Variants in TSPEAR observed in about 807,000 individuals in gnomAD.
The protein encoded by TSPEAR is thrombospondin-type laminin G domain and EAR repeat-containing protein.
A neutral mutation model predicts 71.6 loss-of-function variants in TSPEAR; 69 were observed. The ratio of observed to expected loss-of-function variants is 0.96; its 90% CI spans 0.79 to 1.18. TSPEAR has a LOEUF of 1.18. TSPEAR is among the 50% of genes most tolerant of loss of function. The probability of loss-of-function intolerance (pLI) is 0.00; values close to 1 mark genes in which losing one functional copy is unlikely to be tolerated. For missense variants in TSPEAR, 971 were observed against 894.9 expected (o/e 1.09, Z -1.09); for synonymous variants, 402 against 387.2 (o/e 1.04, Z -0.45).
chr21:44,533,868 C>A lies in TSPEAR; in HGVS notation c.359G>T (p.Gly120Val). ...CAGCTGGGCAGGTGACAACCGCAGGCCGAGCAGCAGCAGGTCGCTCTCCTC... is the reference window on the plus strand; with the variant it reads ...CAGCTGGGCAGGTGACAACCGCAGGACGAGCAGCAGCAGGTCGCTCTCCTC... Reference protein sequence around the residue: ...VAEESDLLLLGLRLSPAQLHF... With the variant: ...VAEESDLLLLVLRLSPAQLHF... Residue 120 changes from glycine (G) to valine (V), a missense_variant, in exon 3 of 12, where the codon GGC becomes GTC. Physicochemically the swap from Gly to Val is moderately radical, Grantham distance 109. Coordinates refer to ENST00000323084, the MANE Select transcript of TSPEAR (RefSeq NM_144991.3). 1.9e-6 allele frequency: 3 copies of A among 1,612,360 alleles called. No homozygotes were observed. The highest frequency in any genetic ancestry group is 2.5e-6 in the Non-Finnish European group (3 of 1,179,866).
At chr21:44,571,962 CA>C (rs781913737) in intron 1 of TSPEAR, among the ~76,000 whole-genome samples, 4 of 152,210 alleles carry the variant, frequency 2.6e-5, no homozygotes, top group Non-Finnish European at 5.9e-5. Context: ...GGAGGGGCAC[CA>C]GCACTGCCGG....
intron 2 of TSPEAR, among the ~76,000 whole-genome samples, chr21:44,536,001 C>T (rs1437877569): frequency 6.6e-6 from 1 of 152,142 alleles, no homozygotes; most frequent in African/African-American, 2.4e-5. Context: ...TGCTTCCACT[C>T]CAAGCTCCTT....
chr21:44,705,145 G>T (rs1555952126), intron 1 of TSPEAR, among the ~76,000 whole-genome samples: 1 of 152,188 alleles, frequency 6.6e-6, no homozygotes, highest in Non-Finnish European at 1.5e-5. Flanking sequence ...AATTTCTTAT[G>T]CCTGTCTTTA....
intron 1 of TSPEAR, chr21:44,573,734 A>G (rs782645567): frequency 3.1e-6 from 5 of 1,599,524 alleles, no homozygotes; most frequent in African/African-American, 1.3e-5. Context: ...CCCCCAGCTC[A>G]ACCCCCAGCA....
At chr21:44,594,866 A>C (rs1421946051) in intron 1 of TSPEAR, among the ~76,000 whole-genome samples, 3 of 129,338 alleles carry the variant, frequency 2.3e-5, no homozygotes, top group Non-Finnish European at 4.6e-5. Context: ...TCTGTTGCCC[A>C]GGCTGGAGTG....
At chr21:44,574,682 C>T (rs1258887044) in intron 1 of TSPEAR, 5 of 1,606,366 alleles carry the variant, frequency 3.1e-6, no homozygotes, top group African/African-American at 1.3e-5. Context: ...CAGCTTGCTG[C>T]ACCTCCTCCC....
intron 1 of TSPEAR, chr21:44,637,342 C>A (rs753815890): frequency 1.9e-4 from 284 of 1,531,074 alleles, no homozygotes; most frequent in Non-Finnish European, 2.1e-4. Context: ...CAGCAGCTGA[C>A]AGGCTCACAC....
At position 44,642,159 on chromosome 21, in the gene TSPEAR, T is replaced by TA. The variant is rs1555938670; in HGVS notation, c.82+69273dup. 1.3e-5 allele frequency among the ~76,000 whole-genome samples: 2 copies of TA among 152,194 alleles called. No homozygotes were observed. Among genetic ancestry groups the TA allele is most frequent in the Non-Finnish European group, 2.9e-5 (2 of 68,034 alleles). On this transcript the variant is annotated intron_variant, in intron 1 of 11. Coordinates refer to ENST00000323084, the MANE Select transcript of TSPEAR (RefSeq NM_144991.3). The surrounding 1 kb of genome is among the most constrained non-coding windows in gnomAD (Gnocchi z 4.1). ...AATATAAATTAAATGTACTGTGTCCTAAAAAATATAAATTACCTACCCTGA... is the reference window on the plus strand; with the variant it reads ...AATATAAATTAAATGTACTGTGTCCTAAAAAAATATAAATTACCTACCCTGA...
intron 1 of TSPEAR, among the ~76,000 whole-genome samples, chr21:44,644,331 C>T (rs1984186298): frequency 6.6e-6 from 1 of 152,172 alleles, no homozygotes; most frequent in South Asian, 2.1e-4. Context: ...TACGATGTCA[C>T]CCTAGACTTC....
intron 1 of TSPEAR, among the ~76,000 whole-genome samples, chr21:44,641,778 G>T (rs1984033327): frequency 6.6e-6 from 1 of 152,176 alleles, no homozygotes. Flanking sequence ...GAGATGCATT[G>T]GTGGCCCAGC....
intron 2 of TSPEAR, among the ~76,000 whole-genome samples, chr21:44,562,241 A>T (rs1555921167): frequency 6.6e-6 from 1 of 152,216 alleles, no homozygotes; most frequent in African/African-American, 2.4e-5. Flanking sequence ...ATTGCTACAA[A>T]GGGAATGAAA....
chr21:44,654,585 G>T, intron 1 of TSPEAR: 1 of 1,594,576 alleles, frequency 6.3e-7, no homozygotes. Context: ...AGGCCATTGG[G>T]CAGCCCGAAG....
intron 1 of TSPEAR, among the ~76,000 whole-genome samples, chr21:44,709,636 A>G (rs1988116178): frequency 6.6e-6 from 1 of 152,230 alleles, no homozygotes; most frequent in Non-Finnish European, 1.5e-5. Context: ...CGCCGTGGGC[A>G]CAGACTCAGG....
At chr21:44,503,250 GGAAGCAGTGTGCTGGGA>G in intron 11 of TSPEAR, among the ~76,000 whole-genome samples, 1 of 144,210 alleles carries the variant, frequency 6.9e-6, no homozygotes, top group Admixed American at 7.0e-5. Context: ...GCCCACGGGG[GGAAGCAGTGTGCTGGGA>G]GGAAGCTGGC....
rs1555910791 is a variant in TSPEAR at position 44,498,814 on chromosome 21, G to C, written c.*969C>G. On this transcript the variant is annotated 3_prime_UTR_variant, in exon 12 of 12. Coordinates refer to ENST00000323084, the MANE Select transcript of TSPEAR (RefSeq NM_144991.3). ...CCTGCTGTCTGAGCCTCTTCTCATG[G>C]AGTGGGGGTGGTTTCTCTGGCACCT... The C allele has an allele frequency of 6.6e-6, 1 of 152,388 alleles. No homozygotes were observed. The highest frequency in any genetic ancestry group is 2.4e-5 in the African/African-American group (1 of 41,464). 9.4% of individuals were successfully genotyped at this position (152,388 alleles called of 1,614,324 possible).
At chr21:44,697,294 C>G (rs782078290) in intron 1 of TSPEAR, 6 of 1,613,906 alleles carry the variant, frequency 3.7e-6, no homozygotes, top group Middle Eastern at 1.7e-4. Flanking sequence ...AGGTGGACGA[C>G]TGCCCAGAGA....
At chr21:44,619,195 T>G (rs1041114169) in intron 1 of TSPEAR, among the ~76,000 whole-genome samples, 1 of 152,224 alleles carries the variant, frequency 6.6e-6, no homozygotes, top group African/African-American at 2.4e-5. Flanking sequence ...CTACAAACCC[T>G]GAAGAAAAAT....
At chr21:44,622,954 T>C (rs1331201180) in intron 1 of TSPEAR, among the ~76,000 whole-genome samples, 2 of 152,086 alleles carry the variant, frequency 1.3e-5, no homozygotes, top group Non-Finnish European at 2.9e-5. Context: ...TGGTTAAGCG[T>C]GTAGCACCTC....
intron 1 of TSPEAR, among the ~76,000 whole-genome samples, chr21:44,672,382 A>G (rs1304757050): frequency 1.3e-5 from 2 of 152,164 alleles, no homozygotes; most frequent in Non-Finnish European, 2.9e-5. Context: ...CATCCTGGCT[A>G]ACACGGTGAA....
Sources: allele counts gnomAD v4.1 joint callset (sites outside exome capture counted in the v4.1 genomes callset), GRCh38; gene constraint gnomAD v4.1.1; non-coding constraint Gnocchi (gnomAD v3.1); transcripts MANE v1.5; gene names NCBI Gene and HGNC (gene_info 2026-07-23, HGNC 2026-07-21).